Variants in AFF3 observed in about 807,000 individuals in gnomAD.
AFF3 encodes AF4/FMR2 family member 3.
AFF3 carries 32 observed loss-of-function variants against 129.7 expected under a neutral mutation model. That is an observed-to-expected ratio of 0.25 (90% CI 0.19 to 0.33). The LOEUF (loss-of-function observed/expected upper bound fraction) is 0.33, where lower values mean the gene tolerates loss of function less well. AFF3 is among the 10% of genes least tolerant of loss of function. The pLI is 1.00. For missense variants in AFF3, 1,373 were observed against 1,592.0 expected (o/e 0.86, Z 2.34); for synonymous variants, 644 against 635.4 (o/e 1.01, Z -0.20).
intron 7 of AFF3, among the ~76,000 whole-genome samples, chr2:99,966,948 G>A (rs1452855296): frequency 1.3e-5 from 2 of 152,106 alleles, no homozygotes; most frequent in African/African-American, 4.8e-5. Context: ...GCTTAATGAT[G>A]TTCCCTCAGG....
intron 7 of AFF3, among the ~76,000 whole-genome samples, chr2:100,003,474 A>C (rs1302555516): frequency 2.6e-4 from 39 of 152,212 alleles, no homozygotes; most frequent in Admixed American, 2.5e-3. Flanking sequence ...AGGGAGGCTC[A>C]CTTAATGAGG....
chr2:100,011,383 G>C lies in AFF3; in HGVS notation c.54-2451C>G. 5 of 754,268 alleles carry C rather than the reference G, an allele frequency of 6.6e-6. No individual in the cohort carries two copies. The South Asian group carries it at 7.1e-5, about 11-fold the overall frequency. 46.7% of individuals were successfully genotyped at this position (754,268 alleles called of 1,614,324 possible). A position where few individuals can be genotyped will look rare whatever the true frequency, so the allele number is the denominator to read the frequency against. ...GCCCTCAGTCAGGTCAACCCAACCA[G>C]ACACACAAGACTGGTGTGATGCACG... On this transcript the variant is annotated intron_variant, in intron 4 of 24. Transcript: ENST00000672756.
intron 13 of AFF3, among the ~76,000 whole-genome samples, chr2:99,617,202 C>A (rs571433460): frequency 6.6e-6 from 1 of 152,296 alleles, no homozygotes; most frequent in East Asian, 1.9e-4. Context: ...CCTTTGTTAA[C>A]TCTAAGTTTA....
At chr2:100,093,466 G>A (rs1175675147) in intron 4 of AFF3, among the ~76,000 whole-genome samples, 6 of 151,780 alleles carry the variant, frequency 4.0e-5, no homozygotes, top group African/African-American at 4.8e-5. Context: ...ATCAATTTAT[G>A]TAACTAATTA....
intron 4 of AFF3, among the ~76,000 whole-genome samples, chr2:100,014,783 C>CTTTTTTTTTTTTTTTTTTTTTTTTTTT (rs60456923): frequency 2.5e-5 from 3 of 120,416 alleles, no homozygotes; most frequent in South Asian, 2.5e-4. Context: ...ACCTTGCTTC[C>CTTTTTTTTTTTTTTTTTTTTTTTTTTT]TTTTTTTTTT....
At chr2:99,711,451 C>A (rs7592767) in intron 11 of AFF3, among the ~76,000 whole-genome samples, 37,125 of 152,030 alleles carry the variant, frequency 0.24, 4,699 homozygotes, top group African/African-American at 0.3. Context: ...TAAGGCATGC[C>A]AAGTATCTTT....
chr2:100,002,384 T>C (rs770970787), intron 7 of AFF3, among the ~76,000 whole-genome samples: 1 of 152,214 alleles, frequency 6.6e-6, no homozygotes, highest in African/African-American at 2.4e-5. Flanking sequence ...TAGGAAGCTA[T>C]TTTATGGAAT....
At chr2:99,664,526 C>T (rs777725399) in intron 12 of AFF3, among the ~76,000 whole-genome samples, 1 of 152,158 alleles carries the variant, frequency 6.6e-6, no homozygotes, top group Admixed American at 6.5e-5. Flanking sequence ...CGGATAAATG[C>T]CTTTTTTCTC....
At chr2:99,858,524 C>A (rs962429447) in intron 7 of AFF3, among the ~76,000 whole-genome samples, 2 of 152,020 alleles carry the variant, frequency 1.3e-5, no homozygotes, top group African/African-American at 4.8e-5. Flanking sequence ...GCACTCCAGC[C>A]CAGGCAACAG....
At chr2:99,560,202 T>C (rs1675341825) in intron 21 of AFF3, among the ~76,000 whole-genome samples, 163 bp downstream of exon 21, 1 of 152,260 alleles carries the variant, frequency 6.6e-6, no homozygotes, top group African/African-American at 2.4e-5. Flanking sequence ...TCATGTATAG[T>C]ACGGCAGCAA....
At chr2:100,014,599 C>A (rs1015927309) in intron 4 of AFF3, among the ~76,000 whole-genome samples, 2 of 151,972 alleles carry the variant, frequency 1.3e-5, no homozygotes, top group African/African-American at 2.4e-5. Flanking sequence ...AGGGGTAGCA[C>A]AAGGAATCAG....
At chr2:100,105,321 C>G in intron 3 of AFF3, 183 bp downstream of exon 3, 1 of 1,198,366 alleles carries the variant, frequency 8.3e-7, no homozygotes, top group Middle Eastern at 3.8e-4. Flanking sequence ...CCCGCAGCAG[C>G]GCCCCAAACA....
intron 4 of AFF3, among the ~76,000 whole-genome samples, chr2:100,024,641 A>G (rs918874546): frequency 6.6e-6 from 1 of 151,844 alleles, no homozygotes; most frequent in Non-Finnish European, 1.5e-5. Flanking sequence ...ATTATTATAA[A>G]ACAAAAATAA....
intron 7 of AFF3, among the ~76,000 whole-genome samples, chr2:99,984,681 C>G (rs1374832008): frequency 1.3e-5 from 2 of 151,886 alleles, no homozygotes; most frequent in African/African-American, 4.8e-5. Flanking sequence ...CCAAGTCTGC[C>G]CACCCCACCA....
intron 7 of AFF3, among the ~76,000 whole-genome samples, chr2:99,898,385 G>T (rs182200355): frequency 6.6e-6 from 1 of 152,288 alleles, no homozygotes; most frequent in African/African-American, 2.4e-5. Flanking sequence ...GAGAGAGAGT[G>T]GGTACCACGA....
intron 17 of AFF3, among the ~76,000 whole-genome samples, chr2:99,581,123 T>C (rs570230788): frequency 6.6e-6 from 1 of 152,364 alleles, no homozygotes; most frequent in South Asian, 2.1e-4. Context: ...ATTGCATCTC[T>C]GGTGCTCAGC....
chr2:99,753,134 T>G (rs1234461414), intron 8 of AFF3, among the ~76,000 whole-genome samples: 1 of 152,180 alleles, frequency 6.6e-6, no homozygotes. Flanking sequence ...GGAGTCTCAC[T>G]CTGTTGCTCA....
At chr2:100,050,519 T>G (rs1478657067) in intron 4 of AFF3, among the ~76,000 whole-genome samples, 2 of 152,112 alleles carry the variant, frequency 1.3e-5, no homozygotes, top group Non-Finnish European at 2.9e-5. Flanking sequence ...GTATAAAGAC[T>G]CATGCATCTT....
At chr2:99,931,218 G>C (rs932926896) in intron 7 of AFF3, among the ~76,000 whole-genome samples, 2 of 152,122 alleles carry the variant, frequency 1.3e-5, no homozygotes, top group African/African-American at 4.8e-5. Flanking sequence ...GGATGGGTCA[G>C]GACTTAACAG....
Sources: gnomAD v4.1 joint callset for allele counts (sites outside exome capture counted in the v4.1 genomes callset) on GRCh38, gnomAD v4.1.1 for gene constraint, MANE v1.5 for transcripts, NCBI Gene and HGNC (gene_info 2026-07-23, HGNC 2026-07-21) for gene names.